POU6F2: variants seen among roughly 807,000 people sequenced by gnomAD.
POU6F2 encodes the protein POU class 6 homeobox 2, also known as POU domain, class 6, transcription factor 2.
Under a neutral mutation model 71.3 loss-of-function variants are expected in POU6F2, and 31 were observed. The observed-to-expected ratio is 0.43, with a 90% CI of 0.33 to 0.59. The LOEUF is 0.59. Among genes scored for constraint, POU6F2 ranks in the 20% least tolerant of loss-of-function variants. The probability of loss-of-function intolerance (pLI) is 0.04; values close to 1 mark genes in which losing one functional copy is unlikely to be tolerated. For synonymous variants in POU6F2, 347 were observed against 355.7 expected (o/e 0.98, Z 0.27); for missense variants, 783 against 856.8 (o/e 0.91, Z 1.07).
intron 1 of POU6F2, among the ~76,000 whole-genome samples, chr7:39,028,507 C>T (rs781724834): frequency 2.6e-5 from 4 of 151,944 alleles, no homozygotes; most frequent in Non-Finnish European, 4.4e-5. Context: ...GACAAGTAAC[C>T]TAAAAATCTA....
chr7:39,278,234 A>T (rs1300768712), intron 4 of POU6F2, among the ~76,000 whole-genome samples: 1 of 152,112 alleles, frequency 6.6e-6, no homozygotes, highest in Non-Finnish European at 1.5e-5. Context: ...AGCTCCTGAG[A>T]TAGGATCCAT....
At chr7:39,249,417 A>C (rs1439490960) in intron 4 of POU6F2, among the ~76,000 whole-genome samples, 1 of 152,194 alleles carries the variant, frequency 6.6e-6, no homozygotes, top group Non-Finnish European at 1.5e-5. Flanking sequence ...CATCTCTCTT[A>C]AAACGTACAG....
intron 1 of POU6F2, among the ~76,000 whole-genome samples, chr7:39,027,790 AG>A (rs1286622660): frequency 1.3e-5 from 2 of 152,204 alleles, no homozygotes; most frequent in Non-Finnish European, 2.9e-5. Flanking sequence ...AATATTCTGC[AG>A]GTGCATTATT....
At chr7:39,259,604 C>T (rs1193002226) in intron 4 of POU6F2, among the ~76,000 whole-genome samples, 1 of 152,112 alleles carries the variant, frequency 6.6e-6, no homozygotes, top group Non-Finnish European at 1.5e-5. Context: ...GATGATCAGG[C>T]GGCACAGGGA....
At chr7:39,182,505 CT>C (rs1379982212) in intron 2 of POU6F2, among the ~76,000 whole-genome samples, 1 of 152,092 alleles carries the variant, frequency 6.6e-6, no homozygotes, top group African/African-American at 2.4e-5. Context: ...GTACTTAGTA[CT>C]TGTTAACATA....
chr7:39,171,020 T>G (rs1241474793), intron 2 of POU6F2, among the ~76,000 whole-genome samples: 3 of 145,910 alleles, frequency 2.1e-5, no homozygotes, highest in Non-Finnish European at 4.5e-5. Context: ...ATATATCTTT[T>G]TTTTTTTTTT....
intron 4 of POU6F2, among the ~76,000 whole-genome samples, chr7:39,237,774 C>G (rs1387267480): frequency 2.6e-5 from 4 of 151,818 alleles, no homozygotes; most frequent in African/African-American, 4.9e-5. Flanking sequence ...GGAAGAGCCT[C>G]TCAAATGAAA....
chr7:39,152,678 A>C lies in POU6F2; in HGVS notation c.278-51557A>C, dbSNP rs140711203. ...CCAGCTCTCCATCCATTAGATCGTG[A>C]AGCCTCTCACCACCAGCGAGACACA... On this transcript the variant is annotated intron_variant, in intron 2 of 9. Coordinates refer to ENST00000518318, the MANE Select transcript of POU6F2 (RefSeq NM_001370959.1). Among the ~76,000 whole-genome samples the C allele has an allele frequency of 2.9e-3, 436 of 152,260 alleles. 1 individual carries two copies. Among genetic ancestry groups the C allele is most frequent in the African/African-American group, 9.9e-3 (413 of 41,542 alleles).
At chr7:39,292,323 G>A (rs1274135551) in intron 4 of POU6F2, among the ~76,000 whole-genome samples, 1 of 152,076 alleles carries the variant, frequency 6.6e-6, no homozygotes, top group Non-Finnish European at 1.5e-5. Context: ...CCCCGTCCAC[G>A]GGCTCTGATT....
In POU6F2 at chr7:39,339,841, T is replaced by C; in HGVS notation, c.798T>C (p.Ala266=). The change falls in exon 5 of 10, where the codon GCT becomes GCC. Residue 266 remains alanine, a synonymous_variant. Transcript: ENST00000518318. ...CACCCGCCTCTCAGCAGCCGCCAGC[T>C]CCTACATCTCAGCTGCAACAGGCGC... is the stretch of plus-strand genomic sequence containing the variant. ...QPPPASQQPP[A]PTSQLQQAPQ... The C allele has an allele frequency of 6.3e-7, 1 of 1,598,272 alleles. No homozygotes were observed. Among genetic ancestry groups the C allele is most frequent in the African/African-American group, 1.4e-5 (1 of 72,426 alleles).
intron 4 of POU6F2, among the ~76,000 whole-genome samples, chr7:39,215,485 C>T (rs1794221455): frequency 6.6e-6 from 1 of 152,172 alleles, no homozygotes; most frequent in African/African-American, 2.4e-5. Flanking sequence ...AATTATCTGA[C>T]AGTAAAAGAC....
chr7:39,359,150 AT>A (rs1197216749), intron 5 of POU6F2, among the ~76,000 whole-genome samples: 1 of 151,822 alleles, frequency 6.6e-6, no homozygotes, highest in Non-Finnish European at 1.5e-5. Flanking sequence ...TAAGAAAATG[AT>A]TTTTTTTCTG....
rs1525792 is a variant in POU6F2, at chr7:39,117,894, C to A, written c.277+31863C>A. 2.0e-3 allele frequency among the ~76,000 whole-genome samples: 306 copies of A among 152,102 alleles called. 1 individual carries two copies. Among genetic ancestry groups the A allele is most frequent in the African/African-American group, 6.9e-3 (288 of 41,498 alleles). On this transcript the variant is annotated intron_variant, in intron 2 of 9. Transcript: ENST00000518318. ...GGTTCCAGTCTCAGGGACACCCAGC[C>A]CAGCATAGGAAACCCAAAGGGCCAA...
At chr7:39,169,393 C>A (rs970698568) in intron 2 of POU6F2, among the ~76,000 whole-genome samples, 2 of 152,080 alleles carry the variant, frequency 1.3e-5, no homozygotes, top group African/African-American at 4.8e-5. Context: ...TAAGCCTGTG[C>A]GTGAACTGCA....
intron 5 of POU6F2, among the ~76,000 whole-genome samples, chr7:39,390,515 C>A (rs1787046499): frequency 6.6e-6 from 1 of 152,164 alleles, no homozygotes; most frequent in African/African-American, 2.4e-5. Context: ...TAAATCTTAA[C>A]CAATTTGCAT....
At chr7:39,205,002 C>T (rs1793981454) in intron 3 of POU6F2, among the ~76,000 whole-genome samples, 1 of 150,858 alleles carries the variant, frequency 6.6e-6, no homozygotes, top group Non-Finnish European at 1.5e-5. Context: ...GGGCCTTTCT[C>T]TCCCTTTTAT....
At position 39,464,811 on chromosome 7, in the gene POU6F2, T is replaced by G. The variant is rs910353810; in HGVS notation, c.*125T>G. ...AAATAGCCCCAGTCGTCATCACCCT[T>G]GTAAGTAAATGACTAAGAAAACTAC... is the stretch of plus-strand genomic sequence containing the variant. On this transcript the variant is annotated 3_prime_UTR_variant, in exon 10 of 10. Coordinates refer to ENST00000518318, the MANE Select transcript of POU6F2 (RefSeq NM_001370959.1). This position sits in a 1 kb window ranked among gnomAD's most constrained non-coding sequence, Gnocchi z 4.1. 8.7e-7 allele frequency: 1 copy of G among 1,154,478 alleles called. No homozygotes were observed. Among genetic ancestry groups the G allele is most frequent in the Admixed American group, 2.9e-5 (1 of 34,960 alleles). The allele number at this position is 1,154,478 out of a possible 1,614,324, so 71.5% of individuals were successfully genotyped here. A position where few individuals can be genotyped will look rare whatever the true frequency, so the allele number is the denominator to read the frequency against.
chr7:39,155,337 AG>A (rs1792847992), intron 2 of POU6F2, among the ~76,000 whole-genome samples: 1 of 152,044 alleles, frequency 6.6e-6, no homozygotes, highest in Non-Finnish European at 1.5e-5. Context: ...GAGAGGAAGA[AG>A]ATGAAGAGGG....
chr7:39,363,001 A>T (rs1583551443), intron 5 of POU6F2, among the ~76,000 whole-genome samples: 2 of 152,196 alleles, frequency 1.3e-5, no homozygotes, highest in Non-Finnish European at 2.9e-5. Context: ...TGGGTCTTGC[A>T]GGCCACTGTA....
Sources: gnomAD v4.1 joint callset for allele counts (sites outside exome capture counted in the v4.1 genomes callset) on GRCh38, gnomAD v4.1.1 for gene constraint, Gnocchi (gnomAD v3.1) non-coding constraint, MANE v1.5 for transcripts, NCBI Gene and HGNC (gene_info 2026-07-23, HGNC 2026-07-21) for gene names.